Variants in EFCAB3 observed in about 807,000 individuals in gnomAD.
EFCAB3 encodes the protein EF-hand calcium-binding domain-containing protein 3.
A neutral mutation model predicts 42.2 loss-of-function variants in EFCAB3; 36 were observed. That is an observed-to-expected ratio of 0.85 (90% CI 0.65 to 1.13). The LOEUF (loss-of-function observed/expected upper bound fraction) is 1.13, where lower values mean the gene tolerates loss of function less well. Ranked by LOEUF, EFCAB3 falls within the 50% of genes most tolerant of loss-of-function variation. EFCAB3 has a pLI of 0.00. For synonymous variants in EFCAB3, 170 were observed against 172.8 expected (o/e 0.98, Z 0.13); for missense variants, 418 against 505.1 (o/e 0.83, Z 1.65).
intron 3 of EFCAB3, among the ~76,000 whole-genome samples, chr17:62,387,799 A>C (rs1418881965): frequency 1.3e-5 from 2 of 152,230 alleles, no homozygotes; most frequent in African/African-American, 4.8e-5. Context: ...TTATTCATCC[A>C]AACAACAAAT....
At chr17:62,372,972 G>T (rs1362903300) in intron 1 of EFCAB3, among the ~76,000 whole-genome samples, 1 of 152,144 alleles carries the variant, frequency 6.6e-6, no homozygotes, top group Non-Finnish European at 1.5e-5. Flanking sequence ...CAGAAAAGAT[G>T]AACTGCTTTT....
intron 4 of EFCAB3, among the ~76,000 whole-genome samples, chr17:62,392,702 A>G (rs1389598093): frequency 6.6e-6 from 1 of 151,968 alleles, no homozygotes; most frequent in Non-Finnish European, 1.5e-5. Flanking sequence ...CAGTGGCGCA[A>G]TCTCAGCTCA....
intron 3 of EFCAB3, among the ~76,000 whole-genome samples, chr17:62,391,158 T>C (rs746527911): frequency 3.9e-5 from 6 of 152,140 alleles, no homozygotes; most frequent in Non-Finnish European, 5.9e-5. Flanking sequence ...CTGTGTCTTA[T>C]AGGACTGAAA....
intron 6 of EFCAB3, among the ~76,000 whole-genome samples, chr17:62,402,731 G>C (rs2070414818): frequency 6.6e-6 from 1 of 152,144 alleles, no homozygotes; most frequent in African/African-American, 2.4e-5. Context: ...TGTTCATCAG[G>C]GATATTGGTC....
upstream of EFCAB3, among the ~76,000 whole-genome samples, chr17:62,375,598 G>T (rs1252746414): frequency 1.3e-5 from 2 of 152,212 alleles, no homozygotes; most frequent in Non-Finnish European, 2.9e-5. Context: ...AGAGGTTCTA[G>T]TCTCCTGCTT....
At chr17:62,378,479 C>T (rs768353968), upstream of EFCAB3, among the ~76,000 whole-genome samples, 1 of 152,094 alleles carries the variant, frequency 6.6e-6, no homozygotes, top group Non-Finnish European at 1.5e-5. Context: ...AGGAAGATCA[C>T]TTGAAGCCAG....
intron 9 of EFCAB3, among the ~76,000 whole-genome samples, chr17:62,414,878 C>T (rs575538305): frequency 4.0e-4 from 61 of 151,868 alleles, no homozygotes; most frequent in Non-Finnish European, 7.2e-4. Context: ...CTAAGGCAGG[C>T]GAATCACCTG....
At chr17:62,375,723 CAT>C (rs1181729042), upstream of EFCAB3, among the ~76,000 whole-genome samples, 1 of 152,160 alleles carries the variant, frequency 6.6e-6, no homozygotes, top group Non-Finnish European at 1.5e-5. Flanking sequence ...CCCCAGGTAA[CAT>C]AAACGAGTCA....
intron 6 of EFCAB3, among the ~76,000 whole-genome samples, chr17:62,400,162 C>T (rs899762483): frequency 6.6e-6 from 1 of 152,152 alleles, no homozygotes; most frequent in Admixed American, 6.5e-5. Flanking sequence ...ATGTGTAAGC[C>T]CCACAGCCAC....
At chr17:62,397,742 G>C in intron 6 of EFCAB3, 2 of 463,066 alleles carry the variant, frequency 4.3e-6, no homozygotes, top group East Asian at 1.1e-4. Context: ...AGGTCATGCT[G>C]GGCCGAGCAC....
At chr17:62,370,830 A>G (rs2070109612) in intron 1 of EFCAB3, among the ~76,000 whole-genome samples, 2 of 151,720 alleles carry the variant, frequency 1.3e-5, no homozygotes, top group Admixed American at 1.3e-4. Context: ...GCTCACACCT[A>G]TAATTCCAGT....
At chr17:62,406,810 A>G (rs2070452098) in intron 7 of EFCAB3, 137 bp downstream of exon 7, 14 of 959,222 alleles carry the variant, frequency 1.5e-5, no homozygotes, top group Non-Finnish European at 9.1e-6. Context: ...TGTCACATAG[A>G]TGTCATTTGA....
At chr17:62,393,390 C>G (rs1299271939) in intron 4 of EFCAB3, among the ~76,000 whole-genome samples, 183 bp from the exon 5 acceptor site, 1 of 152,134 alleles carries the variant, frequency 6.6e-6, no homozygotes, top group Non-Finnish European at 1.5e-5. Flanking sequence ...CTGTGGAGGA[C>G]TGATGTAATG....
chr17:62,389,171 T>G (rs1340881592), intron 3 of EFCAB3, among the ~76,000 whole-genome samples: 1 of 152,206 alleles, frequency 6.6e-6, no homozygotes, highest in Non-Finnish European at 1.5e-5. Flanking sequence ...TTAGCTAGTT[T>G]AAACAATTTC....
intron 2 of EFCAB3, among the ~76,000 whole-genome samples, chr17:62,375,166 A>G (rs569103957): frequency 6.6e-6 from 1 of 152,324 alleles, no homozygotes; most frequent in East Asian, 1.9e-4. Context: ...ATATTATGCA[A>G]GTATCCACAA....
At chr17:62,380,546 C>G, upstream of EFCAB3, 1 of 985,394 alleles carries the variant, frequency 1.0e-6, no homozygotes, top group Non-Finnish European at 1.2e-6. Context: ...TGTGATGGAA[C>G]AAACCCTTTA....
In EFCAB3 at chr17:62,415,985, T is replaced by G; in HGVS notation, c.991-18T>G. 6.3e-7 allele frequency: 1 copy of G among 1,576,920 alleles called. No individual in the cohort carries two copies. Among genetic ancestry groups the G allele is most frequent in the Non-Finnish European group, 8.6e-7 (1 of 1,162,884 alleles). ...TACTTTAAGGTAACTACAATAAACT[T>G]CTGGTCTCTCACTGCAGGTGAAGAG... On this transcript the variant is annotated intron_variant, in intron 9 of 9. Coordinates refer to ENST00000305286, the MANE Select transcript of EFCAB3 (RefSeq NM_173503.4).
In EFCAB3 at chr17:62,395,054, T is replaced by C; in HGVS notation, c.368-14T>C. On this transcript the variant is annotated splice_polypyrimidine_tract_variant and intron_variant, in intron 5 of 9. Transcript: ENST00000305286. ...AAGGTATTTAAAAATCTATCTTTTG[T>C]TTTCCCTCCATAGTTCCAGAAAAGG... The C allele has an allele frequency of 6.2e-7, 1 of 1,611,312 alleles. No individual in the cohort carries two copies. Among genetic ancestry groups the C allele is most frequent in the Non-Finnish European group, 8.5e-7 (1 of 1,179,374 alleles).
At position 62,393,640 on chromosome 17, in the gene EFCAB3, A is replaced by G; in HGVS notation, c.363A>G (p.Ala121=). ...CAGATAAGAATCTCTTCCTCAAGGCAGTGGGTGAGTAGAGATGTTATGAAC... is the reference window on the plus strand; with the variant it reads ...CAGATAAGAATCTCTTCCTCAAGGCGGTGGGTGAGTAGAGATGTTATGAAC... ...VLTDKNLFLK[A]VVPEKETCLD... Residue 121 remains alanine (A), a synonymous_variant, in exon 5 of 10, where the codon GCA becomes GCG. Transcript: ENST00000305286. 1 of 1,613,986 alleles carries G rather than the reference A, an allele frequency of 6.2e-7. No homozygotes were observed. Among genetic ancestry groups the G allele is most frequent in the Non-Finnish European group, 8.5e-7 (1 of 1,179,868 alleles).
Sources: allele counts gnomAD v4.1 joint callset (sites outside exome capture counted in the v4.1 genomes callset), GRCh38; gene constraint gnomAD v4.1.1; transcripts MANE v1.5; gene names NCBI Gene and HGNC (gene_info 2026-07-23, HGNC 2026-07-21).